The following HDAC4 variants were observed in gnomAD, a reference collection of about 807,000 sequenced individuals.
HDAC4 encodes the protein histone deacetylase A.
HDAC4 carries 16 observed loss-of-function variants against 135.1 expected under a neutral mutation model. That is an observed-to-expected ratio of 0.12 (90% CI 0.08 to 0.18). The LOEUF is 0.18. Ranked by LOEUF, HDAC4 falls within the 10% of genes least tolerant of loss-of-function variation. HDAC4 has a pLI of 1.00. For missense variants in HDAC4, 1,143 were observed against 1,511.8 expected (o/e 0.76, Z 4.05); for synonymous variants, 685 against 653.4 (o/e 1.05, Z -0.74).
intron 20 of HDAC4, among the ~76,000 whole-genome samples, chr2:239,083,065 A>G (rs1332223890): frequency 1.3e-5 from 2 of 152,256 alleles, no homozygotes; most frequent in African/African-American, 4.8e-5. Context: ...TCCACCCCAC[A>G]GAGTAGGTAA....
intron 7 of HDAC4, among the ~76,000 whole-genome samples, chr2:239,153,012 G>A (rs1266147592): frequency 6.6e-6 from 1 of 152,216 alleles, no homozygotes; most frequent in Non-Finnish European, 1.5e-5. Flanking sequence ...AGCTTCCCCA[G>A]GTCCCAAGGT....
intron 2 of HDAC4, among the ~76,000 whole-genome samples, chr2:239,348,460 A>G (rs892048859): frequency 6.6e-6 from 1 of 152,252 alleles, no homozygotes; most frequent in Non-Finnish European, 1.5e-5. Context: ...TGGCCAGTCA[A>G]GTCACCAGTA....
At chr2:239,168,477 AAAGTGCAG>A (rs2043246300) in intron 5 of HDAC4, among the ~76,000 whole-genome samples, 1 of 152,244 alleles carries the variant, frequency 6.6e-6, no homozygotes, top group South Asian at 2.1e-4. Context: ...TCAATAAATA[AAAGTGCAG>A]AATTATTTAA....
At position 239,110,936 on chromosome 2, in the gene HDAC4, G is replaced by C. The variant is rs149056998; in HGVS notation, c.1978+590C>G. ...TCCTGCCTCCTCAGCCGTGGTGGAC[G>C]CCTTACTTGCCTCCTTCTTGTGAGG... On this transcript the variant is annotated intron_variant, in intron 14 of 26. Transcript: ENST00000543185. 2.6e-3 allele frequency among the ~76,000 whole-genome samples: 402 copies of C among 152,312 alleles called. 3 individuals are homozygous for C. Among genetic ancestry groups the C allele is most frequent in the African/African-American group, 9.2e-3 (384 of 41,570 alleles).
chr2:239,205,090 C>A (rs2045965449), intron 3 of HDAC4, among the ~76,000 whole-genome samples: 2 of 152,232 alleles, frequency 1.3e-5, no homozygotes, highest in Non-Finnish European at 2.9e-5. Flanking sequence ...CTCCCCACCC[C>A]ACGTGGCTGG....
intron 2 of HDAC4, among the ~76,000 whole-genome samples, chr2:239,246,870 C>T (rs6719901): frequency 0.29 from 44,740 of 152,176 alleles, 7,251 homozygotes; most frequent in African/African-American, 0.42. Context: ...TGCCCAGTGG[C>T]GAGGGCACAT....
Position 239,099,579 on chromosome 2 carries a change from G to A in HDAC4, c.2233+3197C>T, listed in dbSNP as rs572479689. ...TGAGGGACAGCACACTCTAGCCTCA[G>A]TGCCTCGATGCATGGCCTTTGTCCA... On this transcript the variant is annotated intron_variant, in intron 16 of 26. Coordinates refer to ENST00000543185, the MANE Select transcript of HDAC4 (RefSeq NM_001378414.1). Among the ~76,000 whole-genome samples the A allele has an allele frequency of 3.7e-4, 56 of 152,320 alleles. 1 individual carries two copies. The highest frequency in any genetic ancestry group is 6.2e-4 in the Non-Finnish European group (42 of 68,018).
intron 12 of HDAC4, among the ~76,000 whole-genome samples, chr2:239,118,971 T>TC (rs2152822096): frequency 6.6e-6 from 1 of 152,298 alleles, no homozygotes; most frequent in Non-Finnish European, 1.5e-5. Flanking sequence ...AGCCTGGCGG[T>TC]ACCGCTGTCG....
intron 4 of HDAC4, among the ~76,000 whole-genome samples, chr2:239,177,844 C>T (rs1409997795): frequency 6.6e-6 from 1 of 152,206 alleles, no homozygotes; most frequent in African/African-American, 2.4e-5. Context: ...TTCAAGCTCA[C>T]TAGTGAACAC....
rs1559300084 is a variant in HDAC4 at position 239,263,310 on chromosome 2, A to AGGACCCCCCG, written c.23-26647_23-26646insCGGGGGGTCC. ...CTACACATCAGCTGTCTCGAAGCCCACCCTGAGGACCCCCGCCCATCCCAG... is the reference window on the plus strand; with the variant it reads ...CTACACATCAGCTGTCTCGAAGCCCAGGACCCCCCGCCCTGAGGACCCCCGCCCATCCCAG... On this transcript the variant is annotated intron_variant, in intron 2 of 26. Coordinates refer to ENST00000543185, the MANE Select transcript of HDAC4 (RefSeq NM_001378414.1). Among the ~76,000 whole-genome samples the AGGACCCCCCG allele has an allele frequency of 8.1e-5, 7 of 85,992 alleles. No individual in the cohort carries two copies. In the East Asian group the frequency reaches 1.9e-3, roughly 23 times the overall value. 56.4% of individuals were successfully genotyped at this position (85,992 alleles called of 152,430 possible).
chr2:239,346,775 T>C (rs532172443), intron 2 of HDAC4, among the ~76,000 whole-genome samples: 14 of 122,552 alleles, frequency 1.1e-4, no homozygotes, highest in African/African-American at 3.4e-4. Context: ...ACACACACCC[T>C]AACACATACA....
intron 2 of HDAC4, among the ~76,000 whole-genome samples, chr2:239,345,735 C>T (rs1229054626): frequency 6.7e-6 from 1 of 150,240 alleles, no homozygotes; most frequent in Non-Finnish European, 1.5e-5. Flanking sequence ...AACACACATA[C>T]ACACCGTCTA....
At chr2:239,275,316 G>A (rs1362451973) in intron 2 of HDAC4, among the ~76,000 whole-genome samples, 1 of 152,348 alleles carries the variant, frequency 6.6e-6, no homozygotes, top group African/African-American at 2.4e-5. Flanking sequence ...CTTCACATGT[G>A]GTTTGATTGA....
rs963329551 is a variant in HDAC4, at chr2:239,313,753, G to C, written c.22+38925C>G. Reference sequence around the variant, plus strand: ...TGGCAATATGGCACACGCACTTTTAGAGACGTCTAATTATACTCAGGGCTG... The same window carrying C: ...TGGCAATATGGCACACGCACTTTTACAGACGTCTAATTATACTCAGGGCTG... On this transcript the variant is annotated intron_variant, in intron 2 of 26. Coordinates refer to ENST00000543185, the MANE Select transcript of HDAC4 (RefSeq NM_001378414.1). This position sits in a 1 kb window ranked among gnomAD's most constrained non-coding sequence, Gnocchi z 5.1. Among the ~76,000 whole-genome samples the C allele has an allele frequency of 1.3e-5, 2 of 152,236 alleles. No homozygotes were observed. Among genetic ancestry groups the C allele is most frequent in the Non-Finnish European group, 2.9e-5 (2 of 68,040 alleles).
chr2:239,094,448 C>G (rs536458370), intron 17 of HDAC4: 28 of 970,952 alleles, frequency 2.9e-5, no homozygotes, highest in Non-Finnish European at 3.2e-5. Context: ...TTCATATGCC[C>G]AGGCCAGGTC....
chr2:239,163,201 A>C (rs1339646258), intron 6 of HDAC4, among the ~76,000 whole-genome samples: 1 of 152,116 alleles, frequency 6.6e-6, no homozygotes, highest in Non-Finnish European at 1.5e-5. Flanking sequence ...TCTTAGTATA[A>C]AATAATAGAA....
chr2:239,358,997 C>A (rs1313807388), intron 1 of HDAC4, among the ~76,000 whole-genome samples: 1 of 152,104 alleles, frequency 6.6e-6, no homozygotes, highest in Non-Finnish European at 1.5e-5. Flanking sequence ...ATGTTGAGTT[C>A]CCCACATACT....
chr2:239,177,971 A>G (rs939552480), intron 4 of HDAC4, among the ~76,000 whole-genome samples: 5 of 152,214 alleles, frequency 3.3e-5, no homozygotes, highest in African/African-American at 1.2e-4. Flanking sequence ...GCAAACCCAG[A>G]GCACCTCTGT....
intron 3 of HDAC4, 97 bp from the exon 4 acceptor site, chr2:239,190,174 C>CGGGGG: frequency 1.8e-5 from 19 of 1,070,260 alleles, no homozygotes; most frequent in South Asian, 7.0e-5. Flanking sequence ...CTTCACGGGG[C>CGGGGG]GGGGGGGGGG....
Sources: allele counts gnomAD v4.1 joint callset (sites outside exome capture counted in the v4.1 genomes callset), GRCh38; gene constraint gnomAD v4.1.1; non-coding constraint Gnocchi (gnomAD v3.1); transcripts MANE v1.5; gene names NCBI Gene and HGNC (gene_info 2026-07-23, HGNC 2026-07-21).